Variants in NRBP1 observed in about 807,000 individuals in gnomAD.
The protein encoded by NRBP1 is nuclear receptor-binding protein.
A neutral mutation model predicts 76.0 loss-of-function variants in NRBP1; 10 were observed. The observed-to-expected ratio is 0.13, with a 90% CI of 0.08 to 0.22. The LOEUF is 0.22. Among genes scored for constraint, NRBP1 ranks in the 10% least tolerant of loss-of-function variants. The pLI, the probability that NRBP1 is intolerant of heterozygous loss-of-function variation, is 1.00. For synonymous variants in NRBP1, 235 were observed against 240.2 expected (o/e 0.98, Z 0.20); for missense variants, 344 against 646.0 (o/e 0.53, Z 5.07).
chr2:27,440,860 CAGG>C lies in NRBP1; in HGVS notation c.1256_1258del (p.Glu419del). The C allele has an allele frequency of 7.4e-6, 12 of 1,614,044 alleles. No individual in the cohort carries two copies. The highest frequency in any genetic ancestry group is 2.2e-5 in the East Asian group (1 of 44,870). On this transcript the variant is annotated inframe_deletion, in exon 14 of 18. Transcript: ENST00000379852. ...GCTGCCTCGGCCCCAGCAGCCACAG[CAGG>C]AGGAGGTGACATCACCTGTCGTGCC... is the stretch of plus-strand genomic sequence containing the variant.
intron 6 of NRBP1, 78 bp from the exon 7 acceptor site, chr2:27,435,055 C>T: frequency 1.2e-6 from 1 of 821,958 alleles, no homozygotes; most frequent in Non-Finnish European, 2.1e-6. Context: ...GAGACCTGGC[C>T]CTTGCTCCTC....
At chr2:27,437,442 A>C (rs1278901479) in intron 10 of NRBP1, 82 bp downstream of exon 10, 1 of 1,010,994 alleles carries the variant, frequency 9.9e-7, no homozygotes, top group Non-Finnish European at 1.5e-6. Flanking sequence ...CACTGGGTAT[A>C]TGCTCCTAAG....
rs1450660195 is a variant in NRBP1 at position 27,441,122 on chromosome 2, C to G, written c.1330-5C>G. On this transcript the variant is annotated splice_region_variant and splice_polypyrimidine_tract_variant and intron_variant, in intron 14 of 17. Transcript: ENST00000379852. ...CTCTAGAGTGACCCTCTCTTCCCTC[C>G]CTAGGTGGTGCTGATGCAGTGCAAC... 1 of 1,613,270 alleles carries G rather than the reference C, an allele frequency of 6.2e-7. No homozygotes were observed. The highest frequency in any genetic ancestry group is 8.5e-7 in the Non-Finnish European group (1 of 1,179,956).
intron 14 of NRBP1, 40 bp downstream of exon 14, chr2:27,440,980 G>A: frequency 1.2e-6 from 2 of 1,612,348 alleles, no homozygotes; most frequent in South Asian, 1.1e-5. Context: ...CATGGTTGTG[G>A]TGGAAGGGAG....
chr2:27,433,643 T>A (rs1251197746), intron 2 of NRBP1, 30 bp from the exon 3 acceptor site: 1 of 1,613,886 alleles, frequency 6.2e-7, no homozygotes, highest in Non-Finnish European at 8.5e-7. Flanking sequence ...GAGATAAGTT[T>A]AATTCTCTTT....
chr2:27,441,588 C>T lies in NRBP1; in HGVS notation c.1469C>T (p.Ala490Val), dbSNP rs374507004. 2.2e-5 allele frequency: 36 copies of T among 1,614,004 alleles called. No individual in the cohort carries two copies. Among genetic ancestry groups the T allele is most frequent in the East Asian group, 2.0e-4 (9 of 44,898 alleles). ...LMPNENIPELAAELVQLGFIS... is the reference protein window; with the variant it reads ...LMPNENIPELVAELVQLGFIS... ...TCAGATGAGAATATCCCCGAGTTGG[C>T]GGCTGAGCTGGTGCAGCTGGGCTTC... The change falls in exon 17 of 18, where the codon GCG becomes GTG. Residue 490 changes from alanine to valine, a missense_variant. Physicochemically the swap from Ala to Val is moderately conservative, Grantham distance 64 (BLOSUM62 0). Around this residue, in one of 3 missense-constraint regions of NRBP1, gnomAD observed 218 missense variants for 309.8 expected, o/e 0.70. Transcript: ENST00000379852.
intron 12 of NRBP1, 70 bp downstream of exon 12, chr2:27,440,578 A>C: frequency 6.2e-7 from 1 of 1,604,958 alleles, no homozygotes; most frequent in Admixed American, 1.7e-5. Flanking sequence ...TAAACTGTCC[A>C]TTCTCTGGGA....
chr2:27,440,708 A>C lies in NRBP1; in HGVS notation c.1193+6A>C. ...AAATTCCTTGAAGATGTCAGGTGAGAGCAGAGTGAGAAGCAGGCTTTCTTG... is the reference window on the plus strand; with the variant it reads ...AAATTCCTTGAAGATGTCAGGTGAGCGCAGAGTGAGAAGCAGGCTTTCTTG... On this transcript the variant is annotated splice_donor_region_variant and intron_variant, in intron 13 of 17. Coordinates refer to ENST00000379852, the MANE Select transcript of NRBP1 (RefSeq NM_013392.4). The C allele has an allele frequency of 6.2e-7, 1 of 1,614,084 alleles. No homozygotes were observed. Among genetic ancestry groups the C allele is most frequent in the Non-Finnish European group, 8.5e-7 (1 of 1,179,982 alleles).
chr2:27,440,316 G>A, intron 11 of NRBP1, 87 bp from the exon 12 acceptor site: 2 of 932,570 alleles, frequency 2.1e-6, no homozygotes, highest in Non-Finnish European at 3.5e-6. Flanking sequence ...GCCTCCAAAG[G>A]GATTCTTTAC....
At chr2:27,441,067 G>A (rs768224670) in intron 14 of NRBP1, 60 bp from the exon 15 acceptor site, 61 of 1,609,528 alleles carry the variant, frequency 3.8e-5, no homozygotes, top group Admixed American at 2.0e-4. Flanking sequence ...CTCGAAAGAC[G>A]TCTAGGTATT....
In NRBP1 at chr2:27,441,946, G is replaced by A. The variant is rs796661055; in HGVS notation, c.*134G>A. ...CTTTATTATTCAGGAGGGCTGGGGG[G>A]GCTCCCTGGTTCTGAGCATCATCCT... is the stretch of plus-strand genomic sequence containing the variant. On this transcript the variant is annotated 3_prime_UTR_variant, in exon 18 of 18. Coordinates refer to ENST00000379852, the MANE Select transcript of NRBP1 (RefSeq NM_013392.4). 4 of 647,010 alleles carry A rather than the reference G, an allele frequency of 6.2e-6. No homozygotes were observed. The highest frequency in any genetic ancestry group is 2.7e-6 in the Non-Finnish European group (1 of 363,652). The allele number at this position is 647,010 out of a possible 1,614,324, so 40.1% of individuals were successfully genotyped here.
intron 10 of NRBP1, among the ~76,000 whole-genome samples, chr2:27,439,484 CAAAAAAA>C (rs70953858): frequency 1.3e-4 from 9 of 66,690 alleles, no homozygotes; most frequent in East Asian, 1.1e-3. Flanking sequence ...GACTCCGTCT[CAAAAAAA>C]AAAAAAAAAA....
intron 2 of NRBP1, 55 bp downstream of exon 2, chr2:27,433,538 T>C (rs977675983): frequency 1.0e-5 from 16 of 1,606,268 alleles, no homozygotes; most frequent in African/African-American, 2.7e-5. Flanking sequence ...AGGTGAGAAC[T>C]GGAAGAGCAA....
chr2:27,440,610 CTTGT>C (rs776429163), intron 12 of NRBP1, 38 bp from the exon 13 acceptor site: 3 of 1,612,748 alleles, frequency 1.9e-6, no homozygotes, highest in Non-Finnish European at 1.7e-6. Flanking sequence ...TGCTATTTTG[CTTGT>C]TTCTTTCCTT....
In NRBP1 at chr2:27,440,862, G is replaced by A; in HGVS notation, c.1251G>A (p.Gln417=). The A allele has an allele frequency of 6.2e-7, 1 of 1,614,060 alleles. No individual in the cohort carries two copies. Among genetic ancestry groups the A allele is most frequent in the South Asian group, 1.1e-5 (1 of 91,086 alleles). ...TGCCTCGGCCCCAGCAGCCACAGCA[G>A]GAGGAGGTGACATCACCTGTCGTGC... ...FGLPRPQQPQ[Q]EEVTSPVVPP... is the part of the protein sequence containing the mutation. Residue 417 remains glutamine, a synonymous_variant, in exon 14 of 18, where the codon CAG becomes CAA. Coordinates refer to ENST00000379852, the MANE Select transcript of NRBP1 (RefSeq NM_013392.4).
chr2:27,440,234 A>ACTGG, intron 11 of NRBP1, 169 bp from the exon 12 acceptor site: 1 of 597,824 alleles, frequency 1.7e-6, no homozygotes, highest in Non-Finnish European at 3.0e-6. Flanking sequence ...CTGGTCTTGA[A>ACTGG]CTGGCGTCAA....
chr2:27,431,456 T>G (rs1664113164), intron 1 of NRBP1, among the ~76,000 whole-genome samples: 1 of 152,244 alleles, frequency 6.6e-6, no homozygotes, highest in Non-Finnish European at 1.5e-5. Context: ...TTTATTTTGT[T>G]TGTTATTGTA....
At chr2:27,437,511 C>T (rs1329120613) in intron 10 of NRBP1, 151 bp downstream of exon 10, 24 of 644,602 alleles carry the variant, frequency 3.7e-5, no homozygotes, top group African/African-American at 2.4e-4. Flanking sequence ...TTAGGAGGTG[C>T]CTACCATGTT....
In NRBP1 at chr2:27,441,752, C is replaced by A. The variant is rs746470640; in HGVS notation, c.1548C>A (p.Asn516Lys). 3 of 1,614,070 alleles carry A rather than the reference C, an allele frequency of 1.9e-6. No homozygotes were observed. The highest frequency in any genetic ancestry group is 4.5e-5 in the East Asian group (2 of 44,870). Reference protein sequence around the residue: ...RLTSLLEETLNKFNFARNSTL... With the variant: ...RLTSLLEETLKKFNFARNSTL... Reference sequence around the variant, plus strand: ...CTTCTCTGCTAGAAGAGACCTTGAACAAGTTCAATTTTGCCAGGAACAGTA... The same window carrying A: ...CTTCTCTGCTAGAAGAGACCTTGAAAAAGTTCAATTTTGCCAGGAACAGTA... The change falls in exon 18 of 18, where the codon AAC becomes AAA. Residue 516 changes from asparagine (N) to lysine (K), a missense_variant. By Grantham distance (94) the Asn-to-Lys change is moderately conservative. Transcript: ENST00000379852.
Sources: gnomAD v4.1 joint callset for allele counts (sites outside exome capture counted in the v4.1 genomes callset) on GRCh38, gnomAD v4.1.1 for gene constraint, gnomAD v4.1.1 regional missense constraint, MANE v1.5 for transcripts, NCBI Gene and HGNC (gene_info 2026-07-23, HGNC 2026-07-21) for gene names.